Variants in KLHL21 observed in about 807,000 individuals in gnomAD.
The protein encoded by KLHL21 is kelch-like protein 21.
KLHL21 carries 42 observed loss-of-function variants against 44.1 expected under a neutral mutation model. The ratio of observed to expected loss-of-function variants is 0.95; its 90% confidence interval spans 0.74 to 1.23. The LOEUF (loss-of-function observed/expected upper bound fraction) is 1.23, where lower values mean the gene tolerates loss of function less well. KLHL21 is among the 50% of genes most tolerant of loss of function. The pLI is 0.00. For synonymous variants in KLHL21, 524 were observed against 411.6 expected (o/e 1.27, Z -3.31); for missense variants, 918 against 889.1 (o/e 1.03, Z -0.41).
intron 3 of KLHL21, 116 bp from the exon 4 acceptor site, chr1:6,593,774 G>A (rs1220683632): frequency 2.1e-5 from 30 of 1,408,714 alleles, no homozygotes; most frequent in Admixed American, 5.7e-5. Flanking sequence ...GGGTGGCCTT[G>A]GCTCTCCCAG....
In KLHL21 at chr1:6,599,372, T is replaced by C; in HGVS notation, c.1102A>G (p.Met368Val). 1 of 1,613,776 alleles carries C rather than the reference T, an allele frequency of 6.2e-7. No individual in the cohort carries two copies. The highest frequency in any genetic ancestry group is 8.5e-7 in the Non-Finnish European group (1 of 1,180,024). Residue 368 changes from methionine (M) to valine (V), a missense_variant, in exon 2 of 4, where the codon ATG becomes GTG. Coordinates refer to ENST00000377658, the MANE Select transcript of KLHL21 (RefSeq NM_014851.4). The stretch of plus-strand genomic sequence containing the variant: ...CTGTGGTACTCGCGGGCCTTCAGCA[T>C]GGGCGCCACCTCCGCCCACTCATTC... ...SVNEWAEVAP[M>V]LKAREYHSSS...
At position 6,591,086 on chromosome 1, in the gene KLHL21, G is replaced by C; in HGVS notation, c.*2279C>G. The C allele has an allele frequency of 2.5e-6, 1 of 398,588 alleles. No homozygotes were observed. Among genetic ancestry groups the C allele is most frequent in the Admixed American group, 4.4e-5 (1 of 22,740 alleles). The allele number at this position is 398,588 out of a possible 1,614,324, so 24.7% of individuals were successfully genotyped here. A position where few individuals can be genotyped will look rare whatever the true frequency, so the allele number is the denominator to read the frequency against. ...ATCCTTAAGTGGTGGAGACATGACA[G>C]CCCAGAACCCACAGCAGAGGGAAAC... On this transcript the variant is annotated 3_prime_UTR_variant, in exon 4 of 4. Coordinates refer to ENST00000377658, the MANE Select transcript of KLHL21 (RefSeq NM_014851.4).
chr1:6,596,585 G>A (rs1640930796), intron 2 of KLHL21, among the ~76,000 whole-genome samples: 2 of 152,176 alleles, frequency 1.3e-5, no homozygotes, highest in Non-Finnish European at 2.9e-5. Flanking sequence ...TTTACATCTC[G>A]TCTAACTTGA....
chr1:6,592,040 G>A lies in KLHL21; in HGVS notation c.*1325C>T, dbSNP rs1640858070. ...ACAGCAATGACATCCACAGTGTATG[G>A]ACTGGGCTCTTGAGGAGCACGAGGG... On this transcript the variant is annotated 3_prime_UTR_variant, in exon 4 of 4. Transcript: ENST00000377658. 1 of 152,286 alleles carries A rather than the reference G, an allele frequency of 6.6e-6. No individual in the cohort carries two copies. Among genetic ancestry groups the A allele is most frequent in the Non-Finnish European group, 1.5e-5 (1 of 68,084 alleles). The allele number at this position is 152,286 out of a possible 1,614,324, so 9.4% of individuals were successfully genotyped here.
Position 6,593,278 on chromosome 1 carries a change from A to G in KLHL21, c.*87T>C. ...AGCCTGTGCTCCTCCTGTGAGCCCA[A>G]CGTGTCCTTGTGCACAAAGGAGTGG... On this transcript the variant is annotated 3_prime_UTR_variant, in exon 4 of 4. Transcript: ENST00000377658. 7.2e-7 allele frequency: 1 copy of G among 1,386,182 alleles called. No individual in the cohort carries two copies. Among genetic ancestry groups the G allele is most frequent in the South Asian group, 1.4e-5 (1 of 73,458 alleles). The allele number at this position is 1,386,182 out of a possible 1,614,324, so 85.9% of individuals were successfully genotyped here. A position where few individuals can be genotyped will look rare whatever the true frequency, so the allele number is the denominator to read the frequency against.
rs1640888108 is a variant in KLHL21, at chr1:6,593,809, T to C, written c.1501-151A>G. 25 of 1,373,110 alleles carry C rather than the reference T, an allele frequency of 1.8e-5. No individual in the cohort carries two copies. In the East Asian group the frequency reaches 6.5e-4, roughly 35 times the overall value. The allele number at this position is 1,373,110 out of a possible 1,614,324, so 85.1% of individuals were successfully genotyped here. On this transcript the variant is annotated intron_variant, in intron 3 of 3. Coordinates refer to ENST00000377658, the MANE Select transcript of KLHL21 (RefSeq NM_014851.4). ...GAAAGCAGCAGAGAGGCCAACCCCT[T>C]TCCAACACCCTGCCTAGGAGAACGG...
At chr1:6,601,050 G>A (rs1373940689) in intron 1 of KLHL21, among the ~76,000 whole-genome samples, 1 of 152,170 alleles carries the variant, frequency 6.6e-6, no homozygotes, top group African/African-American at 2.4e-5. Context: ...CCTGCCTGGT[G>A]GGTTCTTTCC....
Position 6,591,047 on chromosome 1 carries a change from G to A in KLHL21, c.*2318C>T, listed in dbSNP as rs371392813. On this transcript the variant is annotated 3_prime_UTR_variant, in exon 4 of 4. Transcript: ENST00000377658. ...CAGGCATCCCAGCATCTATCCTGAA[G>A]TCAGTGTAAAGACATCCTTAAGTGG... is the stretch of plus-strand genomic sequence containing the variant. 333 of 398,666 alleles carry A rather than the reference G, an allele frequency of 8.4e-4. 9 individuals are homozygous for A. In the South Asian group the frequency reaches 0.039, roughly 47 times the overall value. 24.7% of individuals were successfully genotyped at this position (398,666 alleles called of 1,614,324 possible).
Position 6,602,630 on chromosome 1 carries a change from G to A in KLHL21, c.188C>T (p.Ala63Val). The change falls in exon 1 of 4, where the codon GCC (alanine) becomes GTC (valine). Residue 63 changes from alanine to valine, a missense_variant. By Grantham distance (64) the Ala-to-Val change is moderately conservative. Transcript: ENST00000377658. ...VLAAASPYFR[A>V]MFAGQLRESR... is the part of the protein sequence containing the mutation. ...CTCGCGCAGCTGCCCCGCGAACATG[G>A]CGCGGAAGTAGGGGCTGGCGGCGGC... is the stretch of plus-strand genomic sequence containing the variant. The A allele has an allele frequency of 1.3e-6, 2 of 1,518,922 alleles. No individual in the cohort carries two copies. Among genetic ancestry groups the A allele is most frequent in the South Asian group, 1.2e-5 (1 of 81,974 alleles). 94.1% of individuals were successfully genotyped at this position (1,518,922 alleles called of 1,614,324 possible).
At position 6,599,207 on chromosome 1, in the gene KLHL21, G is replaced by A. The variant is rs924993186; in HGVS notation, c.1267C>T (p.Arg423Trp). The A allele has an allele frequency of 1.1e-5, 18 of 1,614,016 alleles. No homozygotes were observed. Among genetic ancestry groups the A allele is most frequent in the African/African-American group, 2.7e-5 (2 of 74,934 alleles). ...DNCSTTACRGRLYAIGSLAGK... is the reference protein window; with the variant it reads ...DNCSTTACRGWLYAIGSLAGK... ...GCCAGGGAGCCGATGGCATAGAGCC[G>A]GCCACGGCACGCAGTGGTGGAGCAG... The change falls in exon 2 of 4, where the codon CGG (arginine) becomes TGG (tryptophan). Residue 423 changes from arginine (R) to tryptophan (W), a missense_variant. Coordinates refer to ENST00000377658, the MANE Select transcript of KLHL21 (RefSeq NM_014851.4).
At chr1:6,600,878 G>C (rs1641006745) in intron 1 of KLHL21, among the ~76,000 whole-genome samples, 2 of 152,220 alleles carry the variant, frequency 1.3e-5, no homozygotes, top group Admixed American at 1.3e-4. Flanking sequence ...GGCTAAGGAA[G>C]CTGTGGCAAC....
At chr1:6,600,057 T>C (rs141178557) in intron 1 of KLHL21, among the ~76,000 whole-genome samples, 1 of 152,102 alleles carries the variant, frequency 6.6e-6, no homozygotes, top group African/African-American at 2.4e-5. Flanking sequence ...TTATTATTAT[T>C]ATTTTTGAGA....
intron 3 of KLHL21, chr1:6,594,869 A>C (rs1640902312): frequency 6.5e-6 from 1 of 153,102 alleles, no homozygotes; most frequent in South Asian, 2.0e-4. Context: ...TCTCTATAAA[A>C]ATTTTAAGAA....
Position 6,602,098 on chromosome 1 carries a change from G to C in KLHL21, c.720C>G (p.Ala240=), listed in dbSNP as rs761225996. ...RRFYLLAHVE[A]EPLVARCPPC... is the part of the protein sequence containing the mutation. ...GTGGGCAGCGCGCCACCAGCGGCTC[G>C]GCCTCGACGTGCGCCAACAGGTAGA... The change falls in exon 1 of 4, where the codon GCC becomes GCG. Residue 240 remains alanine (A), a synonymous_variant. Coordinates refer to ENST00000377658, the MANE Select transcript of KLHL21 (RefSeq NM_014851.4). 6.8e-6 allele frequency: 10 copies of C among 1,474,168 alleles called. No homozygotes were observed. Among genetic ancestry groups the C allele is most frequent in the Non-Finnish European group, 8.9e-6 (10 of 1,118,230 alleles). The allele number at this position is 1,474,168 out of a possible 1,614,324, so 91.3% of individuals were successfully genotyped here. A position where few individuals can be genotyped will look rare whatever the true frequency, so the allele number is the denominator to read the frequency against.
rs761423081 is a variant in KLHL21, at chr1:6,599,420, C to T, written c.1054G>A (p.Val352Met). The T allele has an allele frequency of 8.7e-6, 14 of 1,612,160 alleles. No individual in the cohort carries two copies. The highest frequency in any genetic ancestry group is 2.7e-5 in the African/African-American group (2 of 74,898). ...GSDGSRLYDC[V>M]WRYNSSVNEW... Reference sequence around the variant, plus strand: ...TTCACGCTTGAGTTGTACCTCCACACGCAGTCATAGAGCCGGGAGCCATCG... The same window carrying T: ...TTCACGCTTGAGTTGTACCTCCACATGCAGTCATAGAGCCGGGAGCCATCG... The change falls in exon 2 of 4, where the codon GTG becomes ATG. Residue 352 changes from valine (V) to methionine (M), a missense_variant. Val to Met is a conservative substitution (Grantham distance 21). Transcript: ENST00000377658.
chr1:6,594,040 TG>T, intron 3 of KLHL21: 1 of 1,037,260 alleles, frequency 9.6e-7, no homozygotes, highest in Non-Finnish European at 1.2e-6. Flanking sequence ...GTGGCAGAGC[TG>T]GGCTCTGAAC....
At position 6,602,503 on chromosome 1, in the gene KLHL21, G is replaced by A. The variant is rs1479210814; in HGVS notation, c.315C>T (p.Asn105=). The change falls in exon 1 of 4, where the codon AAC becomes AAT. Residue 105 remains asparagine, a synonymous_variant. Coordinates refer to ENST00000377658, the MANE Select transcript of KLHL21 (RefSeq NM_014851.4). ...CGGCGGCGCGCAGCAGCGGCTCAGC[G>A]TTGTCGCCGCTTACCGCCACGCGGC... ...YTGRVAVSGD[N]AEPLLRAADL... 1.3e-6 allele frequency: 2 copies of A among 1,547,616 alleles called. No homozygotes were observed. Among genetic ancestry groups the A allele is most frequent in the Non-Finnish European group, 1.7e-6 (2 of 1,152,862 alleles).
In KLHL21 at chr1:6,593,314, C is replaced by T. The variant is rs368737518; in HGVS notation, c.*51G>A. The T allele has an allele frequency of 8.1e-4, 1,224 of 1,510,728 alleles. 2 individuals are homozygous for T. Among genetic ancestry groups the T allele is most frequent in the South Asian group, 1.0e-3 (85 of 81,176 alleles). 93.6% of individuals were successfully genotyped at this position (1,510,728 alleles called of 1,614,324 possible). A position where few individuals can be genotyped will look rare whatever the true frequency, so the allele number is the denominator to read the frequency against. On this transcript the variant is annotated 3_prime_UTR_variant, in exon 4 of 4. Coordinates refer to ENST00000377658, the MANE Select transcript of KLHL21 (RefSeq NM_014851.4). ...TGCACAAAGGAGTGGGGCACTGCCCCGCAGAGGTGCCAGTTACCTGCACCG... is the reference window on the plus strand; with the variant it reads ...TGCACAAAGGAGTGGGGCACTGCCCTGCAGAGGTGCCAGTTACCTGCACCG...
chr1:6,595,076 T>G, intron 3 of KLHL21: 1 of 406,070 alleles, frequency 2.5e-6, no homozygotes, highest in Non-Finnish European at 4.4e-6. Flanking sequence ...AAAAGGTAGG[T>G]CACAGACCTC....
Sources: allele counts gnomAD v4.1 joint callset (sites outside exome capture counted in the v4.1 genomes callset), GRCh38; gene constraint gnomAD v4.1.1; transcripts MANE v1.5; gene names NCBI Gene and HGNC (gene_info 2026-07-23, HGNC 2026-07-21).